MYH9: variants seen among roughly 807,000 people sequenced by gnomAD.
MYH9 encodes the protein myosin-9.
A neutral mutation model predicts 241.9 loss-of-function variants in MYH9; 29 were observed. The ratio of observed to expected loss-of-function variants is 0.12; its 90% CI spans 0.09 to 0.16. MYH9 has a LOEUF of 0.16. Ranked by LOEUF, MYH9 falls within the 10% of genes least tolerant of loss-of-function variation. The probability of loss-of-function intolerance (pLI) is 1.00; values close to 1 mark genes in which losing one functional copy is unlikely to be tolerated. For missense variants in MYH9, 1,803 were observed against 2,595.5 expected (o/e 0.69, Z 6.63); for synonymous variants, 1,047 against 1,062.6 (o/e 0.99, Z 0.29).
chr22:36,300,358 G>A lies in MYH9; in HGVS notation c.2839-94C>T. ...TCCGAAGGCCAGATCCAAACGCCAA[G>A]GAGAAAATAGCAAGGTCTGTGAGCC... On this transcript the variant is annotated intron_variant, in intron 22 of 40. Coordinates refer to ENST00000216181, the MANE Select transcript of MYH9 (RefSeq NM_002473.6). The surrounding 1 kb of genome is among the most constrained non-coding windows in gnomAD (Gnocchi z 5.0). 6.4e-7 allele frequency: 1 copy of A among 1,560,160 alleles called. No individual in the cohort carries two copies. The highest frequency in any genetic ancestry group is 1.1e-5 in the South Asian group (1 of 90,010).
intron 19 of MYH9, among the ~76,000 whole-genome samples, chr22:36,303,557 C>A (rs572834119): frequency 2.0e-5 from 3 of 151,704 alleles, no homozygotes; most frequent in Non-Finnish European, 4.4e-5. Flanking sequence ...CTGAGGTGGG[C>A]GGATCACTTG....
Position 36,288,221 on chromosome 22 carries a change from C to T in MYH9, c.4932+31G>A. ...TGTAGTTGGCTCAGTCGGGTGCCGC[C>T]CACCCTCACCTGGGCCCCGCCCACC... On this transcript the variant is annotated intron_variant, in intron 34 of 40. Coordinates refer to ENST00000216181, the MANE Select transcript of MYH9 (RefSeq NM_002473.6). This position sits in a 1 kb window ranked among gnomAD's most constrained non-coding sequence, Gnocchi z 4.8. 6.2e-7 allele frequency: 1 copy of T among 1,612,324 alleles called. No individual in the cohort carries two copies. Among genetic ancestry groups the T allele is most frequent in the Non-Finnish European group, 8.5e-7 (1 of 1,179,812 alleles).
At position 36,319,637 on chromosome 22, in the gene MYH9, T is replaced by C; in HGVS notation, c.1013-2A>G. The C allele has an allele frequency of 1.2e-6, 2 of 1,614,030 alleles. No individual in the cohort carries two copies. The highest frequency in any genetic ancestry group is 1.7e-6 in the Non-Finnish European group (2 of 1,179,952). On this transcript the variant is annotated splice_acceptor_variant, in intron 9 of 40. Coordinates refer to ENST00000216181, the MANE Select transcript of MYH9 (RefSeq NM_002473.6). LOFTEE classifies it high-confidence loss of function. ...CCCCTGAGATGACCCGCAGCAGGCCTTTGGGTGCAATCAGAGGCAGCTCAG... is the reference window on the plus strand; with the variant it reads ...CCCCTGAGATGACCCGCAGCAGGCCCTTGGGTGCAATCAGAGGCAGCTCAG...
At chr22:36,310,219 G>A (rs1373908564) in intron 14 of MYH9, among the ~76,000 whole-genome samples, 3 of 149,996 alleles carry the variant, frequency 2.0e-5, no homozygotes, top group Non-Finnish European at 3.0e-5. Context: ...GCAGTGAGCC[G>A]AGATCGTGCC....
intron 3 of MYH9, among the ~76,000 whole-genome samples, chr22:36,328,667 C>T (rs898939566): frequency 3.3e-5 from 5 of 152,210 alleles, no homozygotes; most frequent in South Asian, 2.1e-4. Flanking sequence ...CTGTCTATAC[C>T]GACTTCCCCA....
At chr22:36,387,016 G>A (rs1288828681) in intron 1 of MYH9, among the ~76,000 whole-genome samples, 1 of 152,274 alleles carries the variant, frequency 6.6e-6, no homozygotes, top group Admixed American at 6.5e-5. Context: ...GCACGCCTGG[G>A]CGGCCCCGAC....
At chr22:36,358,202 C>T (rs1432950328) in intron 1 of MYH9, among the ~76,000 whole-genome samples, 2 of 152,128 alleles carry the variant, frequency 1.3e-5, no homozygotes, top group Non-Finnish European at 2.9e-5. Context: ...GTAGCTGGGA[C>T]TACAGGTGCA....
chr22:36,386,741 CT>C (rs1372704318), intron 1 of MYH9, among the ~76,000 whole-genome samples: 2 of 152,234 alleles, frequency 1.3e-5, no homozygotes, highest in Non-Finnish European at 2.9e-5. Flanking sequence ...CAAGCTAGTG[CT>C]GGGGGTGCTG....
intron 20 of MYH9, chr22:36,302,292 AT>A (rs200446766): frequency 6.0e-3 from 2,090 of 351,246 alleles, no homozygotes; most frequent in East Asian, 0.01. Context: ...AAATAAAGAG[AT>A]TTTTTTTTTA....
rs760924443 is a variant in MYH9 at position 36,302,626 on chromosome 22, C to T, written c.2441G>A (p.Arg814Gln). ...CAGCTTCAGGTAGGCAGCGCAGTTC[C>T]GCTGGAGGACCTTCATGGCGGTAAG... is the stretch of plus-strand genomic sequence containing the variant. Reference protein sequence around the residue: ...QQLTAMKVLQRNCAAYLKLRN... With the variant: ...QQLTAMKVLQQNCAAYLKLRN... Residue 814 changes from arginine (R) to glutamine (Q), a missense_variant, in exon 20 of 41, where the codon CGG (arginine) becomes CAG (glutamine). Physicochemically the swap from Arg to Gln is conservative, Grantham distance 43 (BLOSUM62 1). Transcript: ENST00000216181. 2 of 1,613,646 alleles carry T rather than the reference C, an allele frequency of 1.2e-6. No individual in the cohort carries two copies. The highest frequency in any genetic ancestry group is 1.7e-6 in the Non-Finnish European group (2 of 1,179,968).
chr22:36,285,624 C>G lies in MYH9; in HGVS notation c.5274+34G>C. ...CCAGCTCTGCCGTGGTGGCTCCAGC[C>G]AGAGCCCAGAGTGGGAGAAGTCCTG... On this transcript the variant is annotated intron_variant, in intron 37 of 40. Coordinates refer to ENST00000216181, the MANE Select transcript of MYH9 (RefSeq NM_002473.6). The surrounding 1 kb of genome is among the most constrained non-coding windows in gnomAD (Gnocchi z 7.0). 1 of 1,611,076 alleles carries G rather than the reference C, an allele frequency of 6.2e-7. No individual in the cohort carries two copies. The highest frequency in any genetic ancestry group is 8.5e-7 in the Non-Finnish European group (1 of 1,179,970).
At chr22:36,387,737 G>A (rs1386046053) in intron 1 of MYH9, 70 bp downstream of exon 1, 1 of 151,772 alleles carries the variant, frequency 6.6e-6, no homozygotes, top group Non-Finnish European at 1.5e-5. Flanking sequence ...TCGGCCTGGC[G>A]GCAGCGCGTC....
Position 36,330,726 on chromosome 22 carries a change from G to A in MYH9, c.491-3238C>T, listed in dbSNP as rs1028621160. ...CACAGGATGAGCACATTCAGAGTCC[G>A]GCCCAATCTGCTTGTTTTGGCTCGA... On this transcript the variant is annotated intron_variant, in intron 3 of 40. Coordinates refer to ENST00000216181, the MANE Select transcript of MYH9 (RefSeq NM_002473.6). This position sits in a 1 kb window ranked among gnomAD's most constrained non-coding sequence, Gnocchi z 4.5. Among the ~76,000 whole-genome samples the A allele has an allele frequency of 6.6e-6, 1 of 151,920 alleles. No individual in the cohort carries two copies. The highest frequency in any genetic ancestry group is 1.5e-5 in the Non-Finnish European group (1 of 68,014).
chr22:36,358,671 G>A (rs191943306), intron 1 of MYH9, among the ~76,000 whole-genome samples: 1 of 151,974 alleles, frequency 6.6e-6, no homozygotes, highest in East Asian at 1.9e-4. Context: ...CCAGCCCTCC[G>A]CCAACACCAC....
Position 36,311,904 on chromosome 22 carries a change from A to G in MYH9, c.1728+145T>C, listed in dbSNP as rs575855978. 1.5e-4 allele frequency: 133 copies of G among 916,692 alleles called. 2 individuals are homozygous for G. The South Asian group carries it at 1.8e-3, about 12-fold the overall frequency. The allele number at this position is 916,692 out of a possible 1,614,324, so 56.8% of individuals were successfully genotyped here. A position where few individuals can be genotyped will look rare whatever the true frequency, so the allele number is the denominator to read the frequency against. ...AAATGATGATGCTGTCACCGGCCAC[A>G]TTACTGGGTGAGTCATTGTGCAAGA... On this transcript the variant is annotated intron_variant, in intron 14 of 40. Transcript: ENST00000216181.
At chr22:36,292,367 C>T (rs552716099) in intron 30 of MYH9, 133 bp from the exon 31 acceptor site, 82 of 1,209,686 alleles carry the variant, frequency 6.8e-5, no homozygotes, top group South Asian at 2.5e-4. Flanking sequence ...GTTATGAAAC[C>T]GCCTCCCCCA....
At chr22:36,324,734 C>T (rs5756156) in intron 5 of MYH9, among the ~76,000 whole-genome samples, 72,484 of 152,154 alleles carry the variant, frequency 0.48, 19,248 homozygotes, top group Non-Finnish European at 0.59. Flanking sequence ...GTCTTTCACG[C>T]TGACAGCCTG....
intron 3 of MYH9, among the ~76,000 whole-genome samples, chr22:36,335,181 TC>T (rs1380542363): frequency 6.6e-6 from 1 of 152,108 alleles, no homozygotes; most frequent in Non-Finnish European, 1.5e-5. Flanking sequence ...CACGAAACAG[TC>T]ACCTCCTCCA....
chr22:36,289,344 C>T (rs776225161), intron 31 of MYH9, 47 bp from the exon 32 acceptor site: 13 of 1,545,594 alleles, frequency 8.4e-6, no homozygotes, highest in Middle Eastern at 2.0e-4. Context: ...CGGCCCCCAG[C>T]AGGGCAGGGC....
Sources: allele counts gnomAD v4.1 joint callset (sites outside exome capture counted in the v4.1 genomes callset), GRCh38; gene constraint gnomAD v4.1.1; non-coding constraint Gnocchi (gnomAD v3.1); transcripts MANE v1.5; gene names NCBI Gene and HGNC (gene_info 2026-07-23, HGNC 2026-07-21).